Variants in AP3B1 observed in about 807,000 individuals in gnomAD.
The protein encoded by AP3B1 is adaptor related protein complex 3 subunit beta 1.
A neutral mutation model predicts 132.5 loss-of-function variants in AP3B1; 61 were observed. The observed-to-expected ratio is 0.46, with a 90% CI of 0.37 to 0.57. The LOEUF (loss-of-function observed/expected upper bound fraction) is 0.57. Ranked by LOEUF, AP3B1 falls within the 20% of genes least tolerant of loss-of-function variation. AP3B1 has a pLI of 0.00. For missense variants in AP3B1, 1,120 were observed against 1,289.4 expected (o/e 0.87, Z 2.01); for synonymous variants, 388 against 438.3 (o/e 0.89, Z 1.43).
intron 21 of AP3B1, 125 bp downstream of exon 21, chr5:78,100,828 T>C (rs577377655): frequency 1.7e-6 from 1 of 594,828 alleles, no homozygotes; most frequent in East Asian, 3.0e-5. Context: ...TTTCTTGCCT[T>C]ATTCATCTAT....
Position 78,026,246 on chromosome 5 carries a change from T to C in AP3B1, c.2895-5457A>G, listed in dbSNP as rs1580254256. Reference sequence around the variant, plus strand: ...AATGAAGCACTATTATTAGGGTAGCTTTAAATAGCCGAGCTACATAGGACC... The same window carrying C: ...AATGAAGCACTATTATTAGGGTAGCCTTAAATAGCCGAGCTACATAGGACC... On this transcript the variant is annotated intron_variant, in intron 24 of 26. Coordinates refer to ENST00000255194, the MANE Select transcript of AP3B1 (RefSeq NM_003664.5). Among the ~76,000 whole-genome samples, 3 of 152,378 alleles carry C rather than the reference T, an allele frequency of 2.0e-5. No individual in the cohort carries two copies. The South Asian group carries it at 6.2e-4, about 32-fold the overall frequency.
intron 6 of AP3B1, chr5:78,222,061 T>C (rs1561485446): frequency 1.3e-5 from 2 of 152,066 alleles, no homozygotes; most frequent in Middle Eastern, 6.8e-3. Context: ...CAAGAGAAAT[T>C]AGAGTTCTAG....
At chr5:78,056,081 T>C (rs1157043809) in intron 22 of AP3B1, among the ~76,000 whole-genome samples, 1 of 152,224 alleles carries the variant, frequency 6.6e-6, no homozygotes, top group Non-Finnish European at 1.5e-5. Flanking sequence ...CCCACTTTTA[T>C]ACTAATTGTA....
chr5:78,074,195 A>C (rs1749666912), intron 22 of AP3B1, among the ~76,000 whole-genome samples: 1 of 152,176 alleles, frequency 6.6e-6, no homozygotes, highest in Admixed American at 6.5e-5. Flanking sequence ...TCCTTTTAGT[A>C]ATCTAGGAAA....
At chr5:78,063,097 C>A (rs896204795) in intron 22 of AP3B1, among the ~76,000 whole-genome samples, 2 of 152,196 alleles carry the variant, frequency 1.3e-5, no homozygotes, top group Non-Finnish European at 2.9e-5. Context: ...AAACAGCATG[C>A]TGTCCCACTC....
chr5:78,140,135 C>A (rs557394194), intron 15 of AP3B1, among the ~76,000 whole-genome samples: 28 of 152,226 alleles, frequency 1.8e-4, no homozygotes, highest in Admixed American at 3.3e-4. Flanking sequence ...GGAAAAGTCC[C>A]TATTTCGTAC....
At chr5:78,076,089 A>G (rs1749755556) in intron 22 of AP3B1, among the ~76,000 whole-genome samples, 1 of 152,252 alleles carries the variant, frequency 6.6e-6, no homozygotes, top group Admixed American at 6.5e-5. Flanking sequence ...AGCAAATATC[A>G]AATAATAGTG....
intron 3 of AP3B1, among the ~76,000 whole-genome samples, chr5:78,233,256 G>A (rs1205619200): frequency 1.5e-5 from 2 of 137,906 alleles, no homozygotes; most frequent in African/African-American, 5.4e-5. Flanking sequence ...TTTTTGAGAC[G>A]GCGTTTTGCT....
intron 22 of AP3B1, among the ~76,000 whole-genome samples, chr5:78,041,202 A>C (rs1199282093): frequency 6.6e-6 from 1 of 151,390 alleles, no homozygotes; most frequent in African/African-American, 2.4e-5. Context: ...TGAACCTGGG[A>C]GGCGGAGGTT....
intron 2 of AP3B1, among the ~76,000 whole-genome samples, chr5:78,252,686 C>T (rs192803288): frequency 7.9e-5 from 12 of 152,222 alleles, no homozygotes; most frequent in Admixed American, 7.2e-4. Flanking sequence ...GGTTTGAGTG[C>T]CAGCTCGGCT....
intron 14 of AP3B1, among the ~76,000 whole-genome samples, chr5:78,152,670 A>C (rs1332544043): frequency 6.6e-6 from 1 of 152,064 alleles, no homozygotes; most frequent in Admixed American, 6.6e-5. Flanking sequence ...TTTTTGATGT[A>C]GGCTCTTAAA....
At chr5:78,209,274 A>G (rs1745636776) in intron 7 of AP3B1, among the ~76,000 whole-genome samples, 3 of 152,190 alleles carry the variant, frequency 2.0e-5, no homozygotes, top group Non-Finnish European at 4.4e-5. Context: ...AGGAAAAGCC[A>G]ACCAGCATTA....
chr5:78,038,876 T>C (rs1561367555), intron 23 of AP3B1, among the ~76,000 whole-genome samples, 167 bp downstream of exon 23: 2 of 152,230 alleles, frequency 1.3e-5, no homozygotes, highest in Non-Finnish European at 2.9e-5. Context: ...TCTTATATGA[T>C]AAATTCAGTT....
In AP3B1 at chr5:78,084,956, T is replaced by C. The variant is rs137977263; in HGVS notation, c.2577+4437A>G. On this transcript the variant is annotated intron_variant, in intron 22 of 26. Coordinates refer to ENST00000255194, the MANE Select transcript of AP3B1 (RefSeq NM_003664.5). ...TGTAATAAAAACATCTTAATAATTG[T>C]ACAAAATTCCTTAAATTGTTTTTGC... 5.4e-3 allele frequency among the ~76,000 whole-genome samples: 815 copies of C among 152,320 alleles called. 8 individuals carry two copies. The highest frequency in any genetic ancestry group is 0.018 in the African/African-American group (735 of 41,572).
intron 22 of AP3B1, among the ~76,000 whole-genome samples, chr5:78,044,932 C>T (rs1748258240): frequency 6.6e-6 from 1 of 152,204 alleles, no homozygotes; most frequent in South Asian, 2.1e-4. Context: ...AAAGCATTCT[C>T]TAATGAATTC....
At chr5:78,218,330 C>G (rs1230450189) in intron 6 of AP3B1, among the ~76,000 whole-genome samples, 1 of 152,062 alleles carries the variant, frequency 6.6e-6, no homozygotes, top group Non-Finnish European at 1.5e-5. Flanking sequence ...CTCACTGTGT[C>G]AATAGTAGCT....
chr5:78,191,170 TAAAC>T (rs372860151), intron 7 of AP3B1, among the ~76,000 whole-genome samples: 202 of 152,030 alleles, frequency 1.3e-3, no homozygotes, highest in African/African-American at 4.5e-3. Context: ...TAAGAATGGC[TAAAC>T]AGACAACTTA....
At chr5:78,153,519 T>A (rs1481446631) in intron 14 of AP3B1, among the ~76,000 whole-genome samples, 4 of 152,112 alleles carry the variant, frequency 2.6e-5, no homozygotes, top group Non-Finnish European at 5.9e-5. Flanking sequence ...AACTCTGTCT[T>A]TTGATTGGAG....
At chr5:78,267,976 GA>G (rs1187498839) in intron 1 of AP3B1, among the ~76,000 whole-genome samples, 1 of 152,004 alleles carries the variant, frequency 6.6e-6, no homozygotes, top group Admixed American at 6.6e-5. Context: ...AATTTATTAT[GA>G]AAAAAATGAG....
Sources: gnomAD v4.1 joint callset for allele counts (sites outside exome capture counted in the v4.1 genomes callset) on GRCh38, gnomAD v4.1.1 for gene constraint, MANE v1.5 for transcripts, NCBI Gene and HGNC (gene_info 2026-07-23, HGNC 2026-07-21) for gene names.